CYGB: variants seen among roughly 807,000 people sequenced by gnomAD.
The protein encoded by CYGB is histoglobin.
A neutral mutation model predicts 20.7 loss-of-function variants in CYGB; 13 were observed. That is an observed-to-expected ratio of 0.63 (90% CI 0.41 to 1.00). CYGB has a LOEUF of 1.00. Ranked by LOEUF, CYGB falls within the 50% of genes least tolerant of loss-of-function variation. The probability of loss-of-function intolerance (pLI) is 0.00; values close to 1 mark genes in which losing one functional copy is unlikely to be tolerated. For missense variants in CYGB, 218 were observed against 257.2 expected (o/e 0.85, Z 1.04); for synonymous variants, 93 against 107.4 (o/e 0.87, Z 0.83).
intron 1 of CYGB, chr17:76,547,116 T>A (rs746223602): frequency 3.3e-5 from 5 of 152,276 alleles, no homozygotes; most frequent in African/African-American, 4.8e-5. Flanking sequence ...GGAACTCACA[T>A]TCAAGGGCAG....
chr17:76,545,456 G>A (rs1378797331), intron 1 of CYGB: 1 of 441,666 alleles, frequency 2.3e-6, no homozygotes, highest in African/African-American at 2.0e-5. Flanking sequence ...GTGCTCAGGG[G>A]CTTGGGAGAG....
At position 76,528,579 on chromosome 17, in the gene CYGB, T is replaced by C. The variant is rs755463734; in HGVS notation, c.572A>G (p.Ter191TrpextTer3). The C allele has an allele frequency of 6.2e-6, 8 of 1,287,078 alleles. No homozygotes were observed. Among genetic ancestry groups the C allele is most frequent in the Non-Finnish European group, 6.9e-6 (7 of 1,009,520 alleles). 79.7% of individuals were successfully genotyped at this position (1,287,078 alleles called of 1,614,324 possible). A position where few individuals can be genotyped will look rare whatever the true frequency, so the allele number is the denominator to read the frequency against. Residue 191 changes from the stop codon to tryptophan, a stop_lost, in exon 4 of 4, where the codon TAG becomes TGG. Transcript: ENST00000293230. This position sits in a 1 kb window ranked among gnomAD's most constrained non-coding sequence, Gnocchi z 5.8. ...GGGAGGGGGGTGGAGTTAGGGGTCC[T>C]ACGGCCCCGAAGAGGGCAGTGTGGC... Reference protein sequence around the residue: ...PPATLPSSGP* With the variant: ...PPATLPSSGPW
At chr17:76,538,457 CGCG>C (rs748142936), upstream of CYGB, 14 of 465,574 alleles carry the variant, frequency 3.0e-5, no homozygotes, top group Admixed American at 4.7e-5. Flanking sequence ...GGTGCACGAA[CGCG>C]GCGGCGGCGG....
chr17:76,551,063 T>C (rs1024068263), exon 1 of CYGB: 1 of 152,366 alleles, frequency 6.6e-6, no homozygotes, highest in Admixed American at 6.5e-5. Context: ...TTGCAGACAA[T>C]GTGCTAATCC....
intron 1 of CYGB, chr17:76,543,128 G>A (rs746835277): frequency 2.8e-5 from 13 of 470,574 alleles, no homozygotes; most frequent in Admixed American, 9.4e-5. Context: ...GAAGGTAGAC[G>A]CCTCCCTCTC....
At chr17:76,544,568 A>G (rs1391383818) in intron 1 of CYGB, 4 of 456,558 alleles carry the variant, frequency 8.8e-6, no homozygotes, top group Non-Finnish European at 1.8e-5. Flanking sequence ...GAGCCTGCAG[A>G]GGCAAAGCCA....
In CYGB at chr17:76,527,561, C is replaced by T. The variant is rs2074782282; in HGVS notation, c.*1017G>A. 1 of 445,146 alleles carries T rather than the reference C, an allele frequency of 2.2e-6. No individual in the cohort carries two copies. Among genetic ancestry groups the T allele is most frequent in the African/African-American group, 2.0e-5 (1 of 49,716 alleles). 27.6% of individuals were successfully genotyped at this position (445,146 alleles called of 1,614,324 possible). ...GACCAAGGGGCACACACGGGGGGCC[C>T]CCCTGGCAAGCCTGACGCAGATGAA... On this transcript the variant is annotated 3_prime_UTR_variant, in exon 4 of 4. Transcript: ENST00000293230.
rs59375455 is a variant in CYGB, at chr17:76,546,471, T to TGCGC, written c.-53+4387_-53+4390dup. On this transcript the variant is annotated intron_variant, in intron 1 of 3. Coordinates refer to the CYGB transcript ENST00000589145. This position sits in a 1 kb window ranked among gnomAD's most constrained non-coding sequence, Gnocchi z 4.5. ...TGGTTTGTGTGTGTGTGTGTGTGTG[T>TGCGC]GCGCGCAGTCCTGGGCAAGGGCAAA... 0.038 allele frequency: 5,804 copies of TGCGC among 151,150 alleles called. 255 individuals carry two copies. Among genetic ancestry groups the TGCGC allele is most frequent in the African/African-American group, 0.11 (4,401 of 40,502 alleles). The allele number at this position is 151,150 out of a possible 1,614,324, so 9.4% of individuals were successfully genotyped here.
At chr17:76,538,402 G>A (rs2074947998), upstream of CYGB, 3 of 409,214 alleles carry the variant, frequency 7.3e-6, no homozygotes, top group South Asian at 1.7e-5. Flanking sequence ...TCGGGCGCCA[G>A]AGGCCTGCGC....
chr17:76,547,961 CAT>C (rs2075071022), intron 1 of CYGB, among the ~76,000 whole-genome samples: 1 of 151,726 alleles, frequency 6.6e-6, no homozygotes, highest in East Asian at 1.9e-4. Flanking sequence ...TATACACACA[CAT>C]ACACATAAAC....
chr17:76,540,230 G>T, upstream of CYGB: 2 of 1,571,066 alleles, frequency 1.3e-6, no homozygotes, highest in Non-Finnish European at 1.7e-6. The surrounding 1 kb of genome is among the most constrained non-coding windows in gnomAD (Gnocchi z 5.0). Context: ...GAAACTGACC[G>T]GGCTATGGCT....
At chr17:76,543,955 T>G (rs1248374913) in intron 1 of CYGB, 1 of 468,058 alleles carries the variant, frequency 2.1e-6, no homozygotes, top group Non-Finnish European at 4.4e-6. Context: ...GCGCGTGTGT[T>G]CCAAACGGGC....
upstream of CYGB, among the ~76,000 whole-genome samples, chr17:76,541,320 C>T (rs917667088): frequency 6.6e-6 from 1 of 152,184 alleles, no homozygotes; most frequent in African/African-American, 2.4e-5. Flanking sequence ...TGAAGAGTGA[C>T]TTTTTTGCTC....
intron 3 of CYGB, chr17:76,529,532 C>T (rs1172172842): frequency 1.0e-6 from 1 of 985,348 alleles, no homozygotes; most frequent in East Asian, 1.1e-4. Flanking sequence ...AGCCAGCTCT[C>T]TTTCCAGTCT....
intron 1 of CYGB, chr17:76,545,373 T>C (rs1291374310): frequency 4.4e-6 from 2 of 456,568 alleles, no homozygotes; most frequent in Admixed American, 2.3e-5. Context: ...ACTATGACAC[T>C]GTCCCCACTG....
chr17:76,530,399 C>T lies in CYGB; in HGVS notation c.539+580G>A, dbSNP rs2074822336. Among the ~76,000 whole-genome samples, 1 of 152,178 alleles carries T rather than the reference C, an allele frequency of 6.6e-6. No homozygotes were observed. The highest frequency in any genetic ancestry group is 2.4e-5 in the African/African-American group (1 of 41,438). On this transcript the variant is annotated intron_variant, in intron 3 of 3. Transcript: ENST00000293230. This position sits in a 1 kb window ranked among gnomAD's most constrained non-coding sequence, Gnocchi z 6.1. Reference sequence around the variant, plus strand: ...GGCCCAGAACTGGAAGCCCAGCCTCCAGGTCAGCCTGGAAGTAAACATGCC... The same window carrying T: ...GGCCCAGAACTGGAAGCCCAGCCTCTAGGTCAGCCTGGAAGTAAACATGCC...
upstream of CYGB, chr17:76,540,205 C>G (rs387907268): frequency 1.9e-6 from 3 of 1,587,432 alleles, no homozygotes; most frequent in South Asian, 1.1e-5. The surrounding 1 kb of genome is among the most constrained non-coding windows in gnomAD (Gnocchi z 5.0). Context: ...ATTTGCCAAC[C>G]GAGTCCAACC....
At chr17:76,539,999 A>G (rs2074966743), upstream of CYGB, 3 of 840,966 alleles carry the variant, frequency 3.6e-6, no homozygotes, top group Non-Finnish European at 5.7e-6. Context: ...TGACCCACTA[A>G]TCAGCTTGAG....
At chr17:76,540,353 G>A, upstream of CYGB, 1 of 1,284,128 alleles carries the variant, frequency 7.8e-7, no homozygotes. The surrounding 1 kb of genome is among the most constrained non-coding windows in gnomAD (Gnocchi z 5.0). Flanking sequence ...GAACCCTTGA[G>A]AGAGCACAGT....
Sources: allele counts gnomAD v4.1 joint callset (sites outside exome capture counted in the v4.1 genomes callset), GRCh38; gene constraint gnomAD v4.1.1; non-coding constraint Gnocchi (gnomAD v3.1); transcripts MANE v1.5; gene names NCBI Gene and HGNC (gene_info 2026-07-23, HGNC 2026-07-21).